The following CREBL2 variants were observed in gnomAD, a reference collection of about 807,000 sequenced individuals.
CREBL2 encodes cAMP-responsive element-binding protein-like 2.
CREBL2 carries 4 observed loss-of-function variants against 19.5 expected under a neutral mutation model. The observed-to-expected ratio is 0.20, with a 90% CI of 0.10 to 0.47. The LOEUF is 0.47. Among genes scored for constraint, CREBL2 ranks in the 20% least tolerant of loss-of-function variants. CREBL2 has a pLI of 0.98. For synonymous variants in CREBL2, 42 were observed against 46.6 expected, an observed-to-expected ratio of 0.90 and a Z score of 0.40; for missense variants, 85 against 145.1, an observed-to-expected ratio of 0.59 and a Z score of 2.13.
intron 3 of CREBL2, among the ~76,000 whole-genome samples, chr12:12,641,269 T>G (rs1160899960): frequency 2.1e-5 from 3 of 141,438 alleles, no homozygotes; most frequent in Non-Finnish European, 4.6e-5. Flanking sequence ...TTTTATTTTT[T>G]TTTTTTTTAG....
chr12:12,613,816 GT>G (rs2136297587), intron 1 of CREBL2, among the ~76,000 whole-genome samples: 1 of 151,788 alleles, frequency 6.6e-6, no homozygotes, highest in Non-Finnish European at 1.5e-5. Context: ...AGACTCTTCA[GT>G]TTTACTATAG....
At chr12:12,633,029 G>A (rs1436030707) in intron 1 of CREBL2, among the ~76,000 whole-genome samples, 2 of 151,326 alleles carry the variant, frequency 1.3e-5, no homozygotes, top group Admixed American at 1.3e-4. Flanking sequence ...CACCTCCCAC[G>A]TTCAAGCGAT....
At chr12:12,624,172 AG>A (rs1289870098) in intron 1 of CREBL2, among the ~76,000 whole-genome samples, 1 of 152,234 alleles carries the variant, frequency 6.6e-6, no homozygotes, top group Non-Finnish European at 1.5e-5. Flanking sequence ...GCTGAGCCAG[AG>A]GTCTTTTCTT....
chr12:12,642,709 T>TTA lies in CREBL2; in HGVS notation c.*712_*713insAT, dbSNP rs1184404972. 1.3e-5 allele frequency: 2 copies of TTA among 152,222 alleles called. No individual in the cohort carries two copies. The highest frequency in any genetic ancestry group is 4.8e-5 in the African/African-American group (2 of 41,456). The allele number at this position is 152,222 out of a possible 1,614,324, so 9.4% of individuals were successfully genotyped here. A position where few individuals can be genotyped will look rare whatever the true frequency, so the allele number is the denominator to read the frequency against. On this transcript the variant is annotated 3_prime_UTR_variant, in exon 4 of 4. Coordinates refer to ENST00000228865, the MANE Select transcript of CREBL2 (RefSeq NM_001310.4). Reference sequence around the variant, plus strand: ...TTTGTTGCTGTCCTCTCAAACTATATTTATAAAAATTTGCTAGGGCCAAAT... The same window carrying TTA: ...TTTGTTGCTGTCCTCTCAAACTATATTATTATAAAAATTTGCTAGGGCCAAAT...
At chr12:12,641,080 T>A (rs1945513202) in intron 3 of CREBL2, among the ~76,000 whole-genome samples, 1 of 151,818 alleles carries the variant, frequency 6.6e-6, no homozygotes, top group Admixed American at 6.6e-5. Context: ...GGAGTCCATA[T>A]GTTGCATGTG....
chr12:12,612,294 C>T (rs1945273823), intron 1 of CREBL2, 107 bp downstream of exon 1: 1 of 1,585,348 alleles, frequency 6.3e-7, no homozygotes. Context: ...AGACACCTGC[C>T]TAAAACATCC....
intron 3 of CREBL2, among the ~76,000 whole-genome samples, chr12:12,641,253 A>ATTATTATTTT (rs1478394376): frequency 1.3e-5 from 1 of 78,262 alleles, no homozygotes; most frequent in African/African-American, 4.8e-5. Flanking sequence ...TATTATTATT[A>ATTATTATTTT]TTTTTTTTTA....
At chr12:12,621,194 T>C (rs1320756892) in intron 1 of CREBL2, among the ~76,000 whole-genome samples, 1 of 152,140 alleles carries the variant, frequency 6.6e-6, no homozygotes, top group Non-Finnish European at 1.5e-5. Flanking sequence ...ATATAATGAA[T>C]GGGCATGGCT....
chr12:12,641,729 T>G (rs996451512), intron 3 of CREBL2, among the ~76,000 whole-genome samples: 1 of 152,182 alleles, frequency 6.6e-6, no homozygotes, highest in African/African-American at 2.4e-5. Context: ...AATATCAGAC[T>G]CCACCACTAT....
intron 1 of CREBL2, chr12:12,614,617 A>G (rs1945294855): frequency 3.6e-6 from 1 of 279,150 alleles, no homozygotes; most frequent in African/African-American, 2.3e-5. Context: ...ACAGGAATGC[A>G]CATCCATTCC....
At chr12:12,628,698 A>ACCT (rs1436323409) in intron 1 of CREBL2, among the ~76,000 whole-genome samples, 1 of 151,858 alleles carries the variant, frequency 6.6e-6, no homozygotes, top group Admixed American at 6.6e-5. Context: ...TGCAGTCTTG[A>ACCT]CCTCCTGGGC....
intron 1 of CREBL2, chr12:12,632,651 CATT>C (rs1242680426): frequency 6.6e-6 from 1 of 151,988 alleles, no homozygotes; most frequent in African/African-American, 2.4e-5. Context: ...GAATAGATGT[CATT>C]ATCCATTTAT....
At chr12:12,637,468 A>G in intron 2 of CREBL2, 102 bp from the exon 3 acceptor site, 1 of 734,486 alleles carries the variant, frequency 1.4e-6, no homozygotes, top group Non-Finnish European at 1.8e-6. Context: ...GGGAGTTCCT[A>G]TGTCTAGGAT....
chr12:12,618,655 G>T (rs1027678538), intron 1 of CREBL2, among the ~76,000 whole-genome samples: 2 of 152,176 alleles, frequency 1.3e-5, no homozygotes, highest in African/African-American at 4.8e-5. Flanking sequence ...CTGCAGTCTC[G>T]GCACTTTGGG....
chr12:12,628,583 G>GT (rs1022073454), intron 1 of CREBL2, among the ~76,000 whole-genome samples: 3 of 152,054 alleles, frequency 2.0e-5, no homozygotes, highest in African/African-American at 7.2e-5. Flanking sequence ...AAGTTTTATA[G>GT]TTTTATCTCT....
chr12:12,621,009 C>T (rs1227171870), intron 1 of CREBL2, among the ~76,000 whole-genome samples: 1 of 152,140 alleles, frequency 6.6e-6, no homozygotes, highest in East Asian at 1.9e-4. Flanking sequence ...GGAGTCCCCT[C>T]CAAAACAGGA....
intron 1 of CREBL2, among the ~76,000 whole-genome samples, chr12:12,612,587 C>T (rs1156926736): frequency 6.6e-5 from 10 of 152,134 alleles, no homozygotes; most frequent in South Asian, 2.1e-4. Flanking sequence ...TTCTCTCAGG[C>T]TCCCTTACTC....
At chr12:12,627,738 C>G (rs1163997664) in intron 1 of CREBL2, among the ~76,000 whole-genome samples, 3 of 152,118 alleles carry the variant, frequency 2.0e-5, no homozygotes, top group African/African-American at 7.2e-5. Context: ...TTGGAATATA[C>G]CTAGGGCTGG....
At position 12,632,146 on chromosome 12, in the gene CREBL2, C is replaced by CG. The variant is rs1199864911; in HGVS notation, c.16-3629dup. Among the ~76,000 whole-genome samples, 6 of 125,572 alleles carry CG rather than the reference C, an allele frequency of 4.8e-5. No individual in the cohort carries two copies. The East Asian group carries it at 1.5e-3, about 31-fold the overall frequency. The allele number at this position is 125,572 out of a possible 152,430, so 82.4% of individuals were successfully genotyped here. A position where few individuals can be genotyped will look rare whatever the true frequency, so the allele number is the denominator to read the frequency against. On this transcript the variant is annotated intron_variant, in intron 1 of 3. Transcript: ENST00000228865. ...AGGCTGGAGTGCAGTGGCGGGATCTCGGCTCACTGCAAGCTCCGCCTCCCG... is the reference window on the plus strand; with the variant it reads ...AGGCTGGAGTGCAGTGGCGGGATCTCGGGCTCACTGCAAGCTCCGCCTCCCG...
Sources: allele counts gnomAD v4.1 joint callset (sites outside exome capture counted in the v4.1 genomes callset), GRCh38; gene constraint gnomAD v4.1.1; transcripts MANE v1.5; gene names NCBI Gene and HGNC (gene_info 2026-07-23, HGNC 2026-07-21).